The following GMDS variants were observed in gnomAD, a reference collection of about 807,000 sequenced individuals.
GMDS encodes GDP-mannose 4,6-dehydratase, also known as GDP-mannose 4,6 dehydratase.
In GMDS, 20 loss-of-function variants were observed where a neutral mutation model predicts 49.9. The ratio of observed to expected loss-of-function variants is 0.40; its 90% CI spans 0.28 to 0.58. GMDS has a LOEUF of 0.58. GMDS is among the 20% of genes least tolerant of loss of function. The pLI is 0.42. For synonymous variants in GMDS, 177 were observed against 178.6 expected (o/e 0.99, Z 0.07); for missense variants, 362 against 481.4 (o/e 0.75, Z 2.32).
chr6:1,933,144 T>C lies in GMDS; in HGVS notation c.644-2914A>G, dbSNP rs73425551. ...TGGAATTATATTAATGTCTGGTCTT[T>C]GTTTCTGGTTTCTTTTAGTTAGCAT... is the stretch of plus-strand genomic sequence containing the variant. On this transcript the variant is annotated intron_variant, in intron 6 of 10. Transcript: ENST00000380815. 9.3e-3 allele frequency among the ~76,000 whole-genome samples: 1,411 copies of C among 152,354 alleles called. 22 individuals carry two copies. The highest frequency in any genetic ancestry group is 0.032 in the African/African-American group (1,347 of 41,584).
chr6:1,888,091 G>A (rs1759691085), intron 7 of GMDS, among the ~76,000 whole-genome samples: 1 of 151,658 alleles, frequency 6.6e-6, no homozygotes, highest in Non-Finnish European at 1.5e-5. Context: ...TGAGACTACA[G>A]GGATGTGCCA....
chr6:2,122,820 G>A (rs1775213832), intron 2 of GMDS, among the ~76,000 whole-genome samples: 2 of 152,188 alleles, frequency 1.3e-5, no homozygotes. Flanking sequence ...TCCCGCTATA[G>A]TGTCAACCAT....
intron 9 of GMDS, among the ~76,000 whole-genome samples, chr6:1,627,602 G>C (rs757006552): frequency 1.6e-4 from 24 of 152,180 alleles, no homozygotes; most frequent in Non-Finnish European, 3.2e-4. Context: ...CAAGAGAGAA[G>C]AATGAGCTTA....
chr6:2,196,542 A>G (rs1462697031), intron 1 of GMDS, among the ~76,000 whole-genome samples: 2 of 152,238 alleles, frequency 1.3e-5, no homozygotes, highest in African/African-American at 4.8e-5. Context: ...TACAGTAAAC[A>G]TAGAATCCAA....
chr6:1,745,685 T>A (rs1011972272), intron 7 of GMDS, among the ~76,000 whole-genome samples: 1 of 152,194 alleles, frequency 6.6e-6, no homozygotes, highest in Non-Finnish European at 1.5e-5. Flanking sequence ...TCCTCTAAAG[T>A]TCATATTGTA....
chr6:2,023,293 A>G (rs1026109551), intron 4 of GMDS, among the ~76,000 whole-genome samples: 3 of 152,200 alleles, frequency 2.0e-5, no homozygotes, highest in Non-Finnish European at 2.9e-5. Context: ...ATATACTCGA[A>G]CCTCTTTCAT....
chr6:1,770,469 A>T (rs1246651364), intron 7 of GMDS, among the ~76,000 whole-genome samples: 1 of 151,592 alleles, frequency 6.6e-6, no homozygotes, highest in Non-Finnish European at 1.5e-5. Context: ...CATAGGGTGA[A>T]GCCACAGACA....
intron 6 of GMDS, among the ~76,000 whole-genome samples, chr6:1,943,429 C>A (rs1220108285): frequency 1.3e-5 from 2 of 152,372 alleles, no homozygotes; most frequent in Non-Finnish European, 2.9e-5. Context: ...GCATTCTATT[C>A]TGTCTCTCTA....
At chr6:1,748,238 ATCTAT>A (rs1224354645) in intron 7 of GMDS, among the ~76,000 whole-genome samples, 3 of 152,200 alleles carry the variant, frequency 2.0e-5, no homozygotes, top group African/African-American at 7.2e-5. Flanking sequence ...CTAGGATATT[ATCTAT>A]TCTTTCAATT....
intron 7 of GMDS, among the ~76,000 whole-genome samples, chr6:1,840,241 C>T (rs1352707996): frequency 6.6e-6 from 1 of 152,084 alleles, no homozygotes; most frequent in Non-Finnish European, 1.5e-5. Flanking sequence ...TTTGCAAGAC[C>T]TCCCACCTGG....
At chr6:1,862,786 A>G (rs1758254374) in intron 7 of GMDS, among the ~76,000 whole-genome samples, 1 of 152,238 alleles carries the variant, frequency 6.6e-6, no homozygotes, top group Non-Finnish European at 1.5e-5. Flanking sequence ...TCTTTAGAAT[A>G]AAATAATGGG....
intron 4 of GMDS, among the ~76,000 whole-genome samples, chr6:2,098,989 T>C (rs568475438): frequency 1.3e-4 from 20 of 152,292 alleles, no homozygotes; most frequent in African/African-American, 4.3e-4. Flanking sequence ...ATTAAAACTT[T>C]TAACTATTTT....
chr6:1,921,237 T>C (rs1158978857), intron 7 of GMDS, among the ~76,000 whole-genome samples: 1 of 152,242 alleles, frequency 6.6e-6, no homozygotes, highest in Non-Finnish European at 1.5e-5. Flanking sequence ...TAATGACATA[T>C]GCTCAATTTT....
intron 7 of GMDS, among the ~76,000 whole-genome samples, chr6:1,807,701 G>GAAAGGGGA (rs1770239897): frequency 6.6e-6 from 1 of 152,226 alleles, no homozygotes; most frequent in Non-Finnish European, 1.5e-5. Context: ...TGTCCATGTG[G>GAAAGGGGA]AAAGTAATTA....
intron 7 of GMDS, among the ~76,000 whole-genome samples, chr6:1,843,654 G>A (rs557380765): frequency 6.6e-6 from 1 of 152,266 alleles, no homozygotes; most frequent in South Asian, 2.1e-4. Flanking sequence ...TGTAGTCCCA[G>A]TTACCCAGGA....
At chr6:1,987,343 CT>C (rs1335218602) in intron 4 of GMDS, among the ~76,000 whole-genome samples, 6 of 152,100 alleles carry the variant, frequency 3.9e-5, no homozygotes, top group African/African-American at 1.4e-4. Flanking sequence ...AGTTTAAAAT[CT>C]ACTGAAAATT....
chr6:2,155,442 C>T (rs975170568), intron 1 of GMDS, among the ~76,000 whole-genome samples: 3 of 152,108 alleles, frequency 2.0e-5, no homozygotes, highest in African/African-American at 7.2e-5. Flanking sequence ...TCTTTTGTGG[C>T]TGAACCTTGT....
intron 4 of GMDS, among the ~76,000 whole-genome samples, chr6:1,969,782 C>T (rs931185340): frequency 1.3e-5 from 2 of 152,140 alleles, no homozygotes; most frequent in East Asian, 1.9e-4. Flanking sequence ...CCTCCCCTGG[C>T]GTGCTTCACC....
chr6:1,821,614 T>G (rs1430704508), intron 7 of GMDS, among the ~76,000 whole-genome samples: 3 of 32,230 alleles, frequency 9.3e-5, no homozygotes, highest in Non-Finnish European at 1.9e-4. Context: ...TTTATTTGTT[T>G]TTTTTTTTTT....
Sources: gnomAD v4.1 joint callset for allele counts (sites outside exome capture counted in the v4.1 genomes callset) on GRCh38, gnomAD v4.1.1 for gene constraint, MANE v1.5 for transcripts, NCBI Gene and HGNC (gene_info 2026-07-23, HGNC 2026-07-21) for gene names.